Variants in MYO9B observed in about 807,000 individuals in gnomAD.
MYO9B encodes the protein myosin IXB, also known as unconventional myosin-IXb.
In MYO9B, 71 loss-of-function variants were observed where a neutral mutation model predicts 229.5. That is an observed-to-expected ratio of 0.31 (90% confidence interval 0.26 to 0.38). The LOEUF is 0.38. Among genes scored for constraint, MYO9B ranks in the 10% least tolerant of loss-of-function variants. MYO9B has a pLI of 1.00. For missense variants in MYO9B, 2,255 were observed against 2,920.5 expected (o/e 0.77, Z 5.25); for synonymous variants, 1,185 against 1,235.8 (o/e 0.96, Z 0.86).
At chr19:17,200,563 A>T in intron 25 of MYO9B, 76 bp from the exon 26 acceptor site, 1 of 1,519,374 alleles carries the variant, frequency 6.6e-7, no homozygotes, top group Non-Finnish European at 8.9e-7. Context: ...GGCCCTGGAT[A>T]AAGGCGTGCC....
At chr19:17,134,372 G>GTTTTTT (rs2072240732) in intron 2 of MYO9B, among the ~76,000 whole-genome samples, 1 of 70,426 alleles carries the variant, frequency 1.4e-5, no homozygotes. Context: ...TTTTTTTTTC[G>GTTTTTT]TTTTGTTTGT....
At chr19:17,087,222 C>T (rs575655960) in intron 1 of MYO9B, among the ~76,000 whole-genome samples, 1 of 152,286 alleles carries the variant, frequency 6.6e-6, no homozygotes, top group East Asian at 1.9e-4. Flanking sequence ...TAGCACAGGT[C>T]GGAGAGCACT....
At chr19:17,180,878 T>C in intron 14 of MYO9B, 49 bp from the exon 15 acceptor site, 1 of 1,348,554 alleles carries the variant, frequency 7.4e-7, no homozygotes, top group Middle Eastern at 1.8e-4. Context: ...GGCCTGCTTC[T>C]AACTCCATCT....
At position 17,197,278 on chromosome 19, in the gene MYO9B, A is replaced by G. The variant is rs893684980; in HGVS notation, c.4047-514A>G. ...GGCAACAAGAGCAAAACTCCGTCTA[A>G]AAAAAAAAAAAAGATAGATAGAGAT... On this transcript the variant is annotated intron_variant, in intron 22 of 39. Coordinates refer to ENST00000682292, the MANE Select transcript of MYO9B (RefSeq NM_004145.4). Among the ~76,000 whole-genome samples the G allele has an allele frequency of 6.4e-4, 23 of 35,784 alleles. No individual in the cohort carries two copies. In the African/African-American group the frequency reaches 6.5e-3, roughly 10 times the overall value. The allele number at this position is 35,784 out of a possible 152,430, so 23.5% of individuals were successfully genotyped here. A position where few individuals can be genotyped will look rare whatever the true frequency, so the allele number is the denominator to read the frequency against.
chr19:17,209,765 T>C (rs542827080), intron 36 of MYO9B, 56 bp downstream of exon 36: 1 of 1,427,238 alleles, frequency 7.0e-7, no homozygotes, highest in Non-Finnish European at 9.4e-7. Flanking sequence ...AGCCTGGTGC[T>C]GGGCAGGGCC....
intron 14 of MYO9B, 196 bp from the exon 15 acceptor site, chr19:17,180,730 TG>T: frequency 3.7e-6 from 2 of 538,286 alleles, no homozygotes; most frequent in East Asian, 6.5e-5. Context: ...CTCCAGGGCT[TG>T]GGGAGGCTGG....
intron 1 of MYO9B, among the ~76,000 whole-genome samples, chr19:17,093,403 C>T (rs111712140): frequency 3.3e-5 from 5 of 152,078 alleles, no homozygotes; most frequent in East Asian, 1.9e-4. Flanking sequence ...ATTAGAAGTG[C>T]GTAAACCTCT....
Position 17,212,129 on chromosome 19 carries a change from A to T in MYO9B, c.6293A>T (p.Glu2098Val). The change falls in exon 40 of 40, where the codon GAG (glutamate) becomes GTG (valine). Residue 2098 changes from glutamate (E) to valine (V), a missense_variant. Physicochemically the swap from Glu to Val is moderately radical, Grantham distance 121. This residue lies in a region of MYO9B where 331 missense variants were observed against 332.5 expected (regional missense o/e 1.00). Transcript: ENST00000682292. The surrounding 1 kb of genome is among the most constrained non-coding windows in gnomAD (Gnocchi z 5.4). ...REAAAPVRRR[E>V]PPARRPDQIH... ...GCGGCTGCCCCAGTGCGGCGCCGGG[A>T]GCCACCTGCCCGCCGCCCGGACCAG... 2 of 1,589,844 alleles carry T rather than the reference A, an allele frequency of 1.3e-6. No homozygotes were observed. The highest frequency in any genetic ancestry group is 1.7e-6 in the Non-Finnish European group (2 of 1,169,482).
chr19:17,123,190 T>C, intron 2 of MYO9B, among the ~76,000 whole-genome samples: 1 of 152,064 alleles, frequency 6.6e-6, no homozygotes, highest in Non-Finnish European at 1.5e-5. Context: ...AAGACACACC[T>C]AAATCAAAGG....
chr19:17,141,167 C>G (rs139261540), intron 2 of MYO9B, among the ~76,000 whole-genome samples: 226 of 151,972 alleles, frequency 1.5e-3, no homozygotes, highest in African/African-American at 5.1e-3. Flanking sequence ...CAGTATCCAT[C>G]CCCCTGTGGA....
At chr19:17,189,815 G>A (rs1443836907) in intron 19 of MYO9B, among the ~76,000 whole-genome samples, 1 of 152,030 alleles carries the variant, frequency 6.6e-6, no homozygotes, top group Non-Finnish European at 1.5e-5. Flanking sequence ...TGTAATCCCA[G>A]CACTTTGGGA....
chr19:17,191,658 C>A (rs1294655114), intron 20 of MYO9B, among the ~76,000 whole-genome samples: 1 of 152,120 alleles, frequency 6.6e-6, no homozygotes, highest in Non-Finnish European at 1.5e-5. Flanking sequence ...GGTCAGTCCC[C>A]CTGAAGGCCT....
intron 6 of MYO9B, 85 bp downstream of exon 6, chr19:17,154,500 T>A: frequency 9.9e-7 from 1 of 1,005,144 alleles, no homozygotes; most frequent in Non-Finnish European, 1.5e-6. Context: ...AGGTCTAACC[T>A]GCAACCCAGT....
intron 1 of MYO9B, among the ~76,000 whole-genome samples, chr19:17,096,256 CA>C (rs1274987582): frequency 6.6e-6 from 1 of 152,174 alleles, no homozygotes; most frequent in African/African-American, 2.4e-5. Context: ...TCAGAAGTTA[CA>C]CGTCTCTGTC....
Position 17,163,003 on chromosome 19 carries a change from G to T in MYO9B, c.1552G>T (p.Val518Phe). 6.2e-7 allele frequency: 1 copy of T among 1,610,338 alleles called. No homozygotes were observed. Among genetic ancestry groups the T allele is most frequent in the Non-Finnish European group, 8.5e-7 (1 of 1,178,424 alleles). The change falls in exon 10 of 40, where the codon GTC becomes TTC. Residue 518 changes from valine (V) to phenylalanine (F), a missense_variant. Val to Phe is a conservative substitution (Grantham distance 50). Coordinates refer to ENST00000682292, the MANE Select transcript of MYO9B (RefSeq NM_004145.4). ...EEAVSCLSIGVLDIFGFEDFE... is the reference protein window; with the variant it reads ...EEAVSCLSIGFLDIFGFEDFE... ...TCTCTCCCAGTGCCTGTCCATTGGGGTCCTGGACATCTTCGGGTTTGAAGA... is the reference window on the plus strand; with the variant it reads ...TCTCTCCCAGTGCCTGTCCATTGGGTTCCTGGACATCTTCGGGTTTGAAGA...
chr19:17,124,387 G>T (rs911035811), intron 2 of MYO9B, among the ~76,000 whole-genome samples: 8 of 152,116 alleles, frequency 5.3e-5, no homozygotes, highest in Non-Finnish European at 7.4e-5. Flanking sequence ...TCCCAGAGTA[G>T]AACAATTACA....
chr19:17,179,062 A>G (rs2072824736), intron 14 of MYO9B, among the ~76,000 whole-genome samples: 1 of 150,458 alleles, frequency 6.6e-6, no homozygotes, highest in Non-Finnish European at 1.5e-5. Flanking sequence ...GGGTTTCTCA[A>G]CCTCAGCACT....
chr19:17,088,993 GA>G (rs2057611097), intron 1 of MYO9B, among the ~76,000 whole-genome samples: 2 of 152,144 alleles, frequency 1.3e-5, no homozygotes, highest in Admixed American at 6.5e-5. Flanking sequence ...CCCACTTTCT[GA>G]AATGCCCCAA....
chr19:17,137,103 C>T (rs10412898), intron 2 of MYO9B, among the ~76,000 whole-genome samples: 2,186 of 151,986 alleles, frequency 0.014, 58 homozygotes, highest in African/African-American at 0.049. Flanking sequence ...TGGCGCGTGC[C>T]TATAATCCCA....
Sources: allele counts gnomAD v4.1 joint callset (sites outside exome capture counted in the v4.1 genomes callset), GRCh38; gene constraint gnomAD v4.1.1; regional missense constraint gnomAD v4.1.1; non-coding constraint Gnocchi (gnomAD v3.1); transcripts MANE v1.5; gene names NCBI Gene and HGNC (gene_info 2026-07-23, HGNC 2026-07-21).